FBXO38: variants seen among roughly 807,000 people sequenced by gnomAD.
FBXO38 encodes the protein F-box protein 38.
A neutral mutation model predicts 131.9 loss-of-function variants in FBXO38; 53 were observed. That is an observed-to-expected ratio of 0.40 (90% CI 0.32 to 0.51). The LOEUF (loss-of-function observed/expected upper bound fraction) is 0.51. FBXO38 is among the 20% of genes least tolerant of loss of function. FBXO38 has a pLI of 0.53. For missense variants in FBXO38, 1,076 were observed against 1,475.6 expected (o/e 0.73, Z 4.44); for synonymous variants, 452 against 505.6 (o/e 0.89, Z 1.42).
intron 15 of FBXO38, among the ~76,000 whole-genome samples, chr5:148,428,604 T>A (rs1753860366): frequency 6.6e-6 from 1 of 152,236 alleles, no homozygotes; most frequent in Non-Finnish European, 1.5e-5. Flanking sequence ...GACCTTATTT[T>A]TAAGTACTCT....
At chr5:148,405,685 C>A (rs1038956232) in intron 6 of FBXO38, among the ~76,000 whole-genome samples, 2 of 152,172 alleles carry the variant, frequency 1.3e-5, no homozygotes, top group Admixed American at 1.3e-4. Context: ...CACTTTCTTC[C>A]TCTGTTTTTG....
rs932028811 is a variant in FBXO38 at position 148,441,111 on chromosome 5, A to G, written c.3275-13A>G. On this transcript the variant is annotated splice_polypyrimidine_tract_variant and intron_variant, in intron 20 of 21. Transcript: ENST00000340253. ...CTCCCACGCCAGTTAGCAATGTTAC[A>G]TTTGTCTTTTAGGTGTTGTGGATGG... 1 of 1,601,206 alleles carries G rather than the reference A, an allele frequency of 6.2e-7. No individual in the cohort carries two copies. The highest frequency in any genetic ancestry group is 1.3e-5 in the African/African-American group (1 of 74,636).
intron 17 of FBXO38, chr5:148,433,955 G>T: frequency 3.1e-6 from 1 of 322,780 alleles, no homozygotes; most frequent in Non-Finnish European, 5.6e-6. Context: ...AAAATAGCCT[G>T]TCTCCAAAAG....
intron 9 of FBXO38, among the ~76,000 whole-genome samples, chr5:148,411,090 T>C (rs1371747987): frequency 6.6e-6 from 1 of 152,162 alleles, no homozygotes; most frequent in Non-Finnish European, 1.5e-5. Context: ...AATGTCATCC[T>C]TGGTTCCATT....
At chr5:148,405,325 A>G (rs1752384980) in intron 6 of FBXO38, among the ~76,000 whole-genome samples, 1 of 152,158 alleles carries the variant, frequency 6.6e-6, no homozygotes, top group African/African-American at 2.4e-5. Flanking sequence ...AGATTTATGC[A>G]TAGGCTTTTT....
At chr5:148,385,812 G>A (rs1757885001) in intron 1 of FBXO38, among the ~76,000 whole-genome samples, 2 of 152,160 alleles carry the variant, frequency 1.3e-5, no homozygotes, top group South Asian at 4.1e-4. Context: ...GAAACCAATA[G>A]AAACTAAAGA....
At chr5:148,393,584 T>G (rs2113500608) in intron 1 of FBXO38, among the ~76,000 whole-genome samples, 2 of 152,254 alleles carry the variant, frequency 1.3e-5, no homozygotes, top group East Asian at 3.9e-4. Flanking sequence ...GTTTACTGTC[T>G]TTGCAGCAGT....
At chr5:148,397,338 A>G (rs996304139) in intron 2 of FBXO38, among the ~76,000 whole-genome samples, 16 of 152,182 alleles carry the variant, frequency 1.1e-4, no homozygotes, top group African/African-American at 3.6e-4. Flanking sequence ...TAGGGAAAAT[A>G]TGATGTAAAA....
Position 148,442,124 on chromosome 5 carries a change from C to G in FBXO38, c.3544C>G (p.Pro1182Ala). Residue 1182 changes from proline to alanine, a missense_variant, in exon 22 of 22, where the codon CCA (proline) becomes GCA (alanine). By Grantham distance (27) the Pro-to-Ala change is conservative. Coordinates refer to ENST00000340253, the MANE Select transcript of FBXO38 (RefSeq NM_205836.3). The part of the protein sequence containing the change: ...FIHYCDVNGE[P>A]VEDDYI ...CCACTATTGTGATGTCAATGGAGAG[C>G]CAGTTGAAGATGACTACATTTAATT... 6.2e-7 allele frequency: 1 copy of G among 1,613,758 alleles called. No homozygotes were observed. The highest frequency in any genetic ancestry group is 8.5e-7 in the Non-Finnish European group (1 of 1,179,806).
At chr5:148,415,113 T>A (rs1012270911) in intron 10 of FBXO38, among the ~76,000 whole-genome samples, 3 of 152,154 alleles carry the variant, frequency 2.0e-5, no homozygotes, top group Non-Finnish European at 4.4e-5. Flanking sequence ...AGCAGTTAAA[T>A]TCTATCCCTG....
At chr5:148,439,476 A>T (rs1233007981) in intron 18 of FBXO38, among the ~76,000 whole-genome samples, 171 bp from the exon 19 acceptor site, 1 of 151,036 alleles carries the variant, frequency 6.6e-6, no homozygotes, top group African/African-American at 2.4e-5. Flanking sequence ...AATTTGCAAA[A>T]TTATTCCCAG....
At chr5:148,429,214 G>A (rs940301764) in intron 15 of FBXO38, among the ~76,000 whole-genome samples, 23 of 152,088 alleles carry the variant, frequency 1.5e-4, no homozygotes, top group African/African-American at 5.3e-4. Flanking sequence ...TTTATGCTGC[G>A]AAAGGCCTTT....
chr5:148,433,345 A>G, intron 15 of FBXO38, 79 bp from the exon 16 acceptor site: 1 of 940,660 alleles, frequency 1.1e-6, no homozygotes, highest in Non-Finnish European at 1.7e-6. Context: ...GATTATGTTC[A>G]TACGTATGTG....
At position 148,404,705 on chromosome 5, in the gene FBXO38, C is replaced by A. The variant is rs375017569; in HGVS notation, c.613C>A (p.Pro205Thr). The A allele has an allele frequency of 2.5e-6, 4 of 1,578,590 alleles. No individual in the cohort carries two copies. Among genetic ancestry groups the A allele is most frequent in the Admixed American group, 1.9e-5 (1 of 53,176 alleles). Residue 205 changes from proline to threonine, a missense_variant, in exon 6 of 22, where the codon CCT (proline) becomes ACT (threonine). Around this residue, in one of 8 missense-constraint regions of FBXO38, gnomAD observed 66 missense variants for 72.4 expected, o/e 0.91. Coordinates refer to ENST00000340253, the MANE Select transcript of FBXO38 (RefSeq NM_205836.3). ...TTTAGGGGTGAATGTTCCTGAAATT[C>A]CTTGTATCCCAATGCTAAGGCACCT... ...HLVGVNVPEIPCIPMLRHLYM... is the reference protein window; with the variant it reads ...HLVGVNVPEITCIPMLRHLYM...
At chr5:148,433,565 C>T (rs775392169) in intron 16 of FBXO38, 41 bp downstream of exon 16, 2 of 1,556,280 alleles carry the variant, frequency 1.3e-6, no homozygotes, top group Admixed American at 3.5e-5. Context: ...ACAGTCTAGC[C>T]CAGTTCCTAA....
intron 20 of FBXO38, 36 bp from the exon 21 acceptor site, chr5:148,441,087 TC>T: frequency 6.6e-7 from 1 of 1,507,280 alleles, no homozygotes; most frequent in South Asian, 1.1e-5. Flanking sequence ...CTGTCAGCAC[TC>T]CCACGCCAGT....
chr5:148,395,504 C>T (rs1393140914), intron 2 of FBXO38, among the ~76,000 whole-genome samples: 2 of 151,182 alleles, frequency 1.3e-5, no homozygotes, highest in Non-Finnish European at 2.9e-5. Flanking sequence ...AGCTGTCATT[C>T]TAGTTTCCAC....
chr5:148,386,166 G>C (rs894535547), intron 1 of FBXO38, among the ~76,000 whole-genome samples: 3 of 152,182 alleles, frequency 2.0e-5, no homozygotes, highest in Admixed American at 6.5e-5. Context: ...GGTGAAGGTA[G>C]GGTGTGGTCA....
At chr5:148,422,128 C>A (rs1032586235) in intron 12 of FBXO38, among the ~76,000 whole-genome samples, 1 of 151,790 alleles carries the variant, frequency 6.6e-6, no homozygotes, top group Non-Finnish European at 1.5e-5. Context: ...GTTCTTATAG[C>A]AACCAGGGCA....
Sources: gnomAD v4.1 joint callset for allele counts (sites outside exome capture counted in the v4.1 genomes callset) on GRCh38, gnomAD v4.1.1 for gene constraint, gnomAD v4.1.1 regional missense constraint, MANE v1.5 for transcripts, NCBI Gene and HGNC (gene_info 2026-07-23, HGNC 2026-07-21) for gene names.